The following AK8 variants were observed in gnomAD, a reference collection of about 807,000 sequenced individuals.
The protein encoded by AK8 is adenylate kinase 8.
In AK8, 44 loss-of-function variants were observed where a neutral mutation model predicts 54.6. The observed-to-expected ratio is 0.81, with a 90% CI of 0.63 to 1.04. AK8 has a LOEUF of 1.04. AK8 is among the 50% of genes least tolerant of loss of function. The pLI is 0.00. For synonymous variants in AK8, 239 were observed against 245.6 expected (o/e 0.97, Z 0.25); for missense variants, 555 against 613.6 (o/e 0.90, Z 1.01).
chr9:132,757,259 G>A (rs1286759497), intron 11 of AK8, among the ~76,000 whole-genome samples: 2 of 152,196 alleles, frequency 1.3e-5, no homozygotes, highest in South Asian at 2.1e-4. Flanking sequence ...AGAGGGTTCC[G>A]GAGCAGGACA....
At chr9:132,732,701 G>A (rs1836903628) in intron 11 of AK8, among the ~76,000 whole-genome samples, 4 of 152,118 alleles carry the variant, frequency 2.6e-5, no homozygotes, top group Admixed American at 2.6e-4. Flanking sequence ...CGCCACGAGA[G>A]CAGAAAGATG....
intron 2 of AK8, among the ~76,000 whole-genome samples, chr9:132,870,927 T>G (rs923803111): frequency 3.9e-5 from 6 of 152,222 alleles, no homozygotes; most frequent in Non-Finnish European, 5.9e-5. Flanking sequence ...CTTAGCTGAT[T>G]CGAGGCTTCT....
chr9:132,849,086 T>C (rs1823744697), intron 5 of AK8, among the ~76,000 whole-genome samples: 1 of 152,004 alleles, frequency 6.6e-6, no homozygotes, highest in South Asian at 2.1e-4. Context: ...TTTTTTGTAT[T>C]TTTAGTAGAG....
intron 11 of AK8, among the ~76,000 whole-genome samples, chr9:132,762,121 T>C (rs138292641): frequency 0.013 from 1,920 of 152,250 alleles, 48 homozygotes; most frequent in African/African-American, 0.044. Flanking sequence ...CTGCCCACCT[T>C]GGCCTCCCAA....
At position 132,795,344 on chromosome 9, in the gene AK8, C is replaced by T. The variant is rs113936929; in HGVS notation, c.980-2569G>A. 9.2e-3 allele frequency among the ~76,000 whole-genome samples: 1,402 copies of T among 152,194 alleles called. 9 individuals carry two copies. Among genetic ancestry groups the T allele is most frequent in the Non-Finnish European group, 0.015 (1,012 of 68,000 alleles). Reference sequence around the variant, plus strand: ...TCCTGCTATAGACCCCCTGTACACTCGGGGTGCACTTGGCTCTTTCCACAT... The same window carrying T: ...TCCTGCTATAGACCCCCTGTACACTTGGGGTGCACTTGGCTCTTTCCACAT... On this transcript the variant is annotated intron_variant, in intron 10 of 12. Coordinates refer to ENST00000298545, the MANE Select transcript of AK8 (RefSeq NM_152572.3).
intron 2 of AK8, among the ~76,000 whole-genome samples, chr9:132,872,569 G>A (rs549980138): frequency 5.9e-5 from 9 of 152,066 alleles, no homozygotes; most frequent in South Asian, 2.1e-4. Flanking sequence ...GGCCTCAAGC[G>A]ATCCTCCTGT....
At chr9:132,810,100 T>C (rs936593041) in intron 10 of AK8, among the ~76,000 whole-genome samples, 1 of 152,258 alleles carries the variant, frequency 6.6e-6, no homozygotes, top group East Asian at 1.9e-4. Context: ...TTAGTGGTTA[T>C]GAATGTAAAT....
In AK8 at chr9:132,799,636, A is replaced by T. The variant is rs1588143759; in HGVS notation, c.980-6861T>A. On this transcript the variant is annotated intron_variant, in intron 10 of 12. Transcript: ENST00000298545. This position sits in a 1 kb window ranked among gnomAD's most constrained non-coding sequence, Gnocchi z 5.0. ...ACACCACACACCCCCACACCCCTAC[A>T]CCCCACCACGTGCACAACACATACT... Among the ~76,000 whole-genome samples the T allele has an allele frequency of 6.6e-6, 1 of 151,120 alleles. No individual in the cohort carries two copies. The highest frequency in any genetic ancestry group is 2.4e-5 in the African/African-American group (1 of 41,060).
chr9:132,818,257 C>T (rs978549205), intron 9 of AK8, among the ~76,000 whole-genome samples: 1 of 152,104 alleles, frequency 6.6e-6, no homozygotes, highest in African/African-American at 2.4e-5. Context: ...CAGATGGAAA[C>T]CTGGATCTAA....
chr9:132,753,611 G>A (rs1838051298), intron 11 of AK8, among the ~76,000 whole-genome samples: 1 of 152,234 alleles, frequency 6.6e-6, no homozygotes, highest in Admixed American at 6.5e-5. Flanking sequence ...CAGGCTGGTG[G>A]CTTTAAGCCA....
chr9:132,871,036 A>G (rs1443502467), intron 2 of AK8, among the ~76,000 whole-genome samples: 1 of 152,176 alleles, frequency 6.6e-6, no homozygotes, highest in Admixed American at 6.5e-5. Context: ...ATCTGAGGTC[A>G]GGTGTTTGAG....
At chr9:132,859,849 G>C (rs1843316770) in intron 4 of AK8, among the ~76,000 whole-genome samples, 1 of 152,180 alleles carries the variant, frequency 6.6e-6, no homozygotes. Context: ...GGGTTCCAGG[G>C]GCAGCGTTTC....
At chr9:132,783,949 G>C (rs187881871) in intron 11 of AK8, among the ~76,000 whole-genome samples, 40 of 152,312 alleles carry the variant, frequency 2.6e-4, no homozygotes, top group Middle Eastern at 3.4e-3. Flanking sequence ...ATTATGAAAA[G>C]CTGATGATAA....
intron 11 of AK8, among the ~76,000 whole-genome samples, chr9:132,773,168 T>C (rs1299843629): frequency 6.6e-6 from 1 of 152,238 alleles, no homozygotes; most frequent in East Asian, 1.9e-4. Flanking sequence ...TCCTTGATGT[T>C]GCTCAGAGTT....
chr9:132,855,938 G>A (rs761718935), intron 4 of AK8, among the ~76,000 whole-genome samples: 22 of 152,098 alleles, frequency 1.4e-4, no homozygotes, highest in Non-Finnish European at 2.9e-4. Context: ...AAGCCAATCC[G>A]CATACCCCAC....
intron 10 of AK8, among the ~76,000 whole-genome samples, chr9:132,793,796 A>G (rs1381458878): frequency 5.3e-5 from 8 of 152,154 alleles, no homozygotes; most frequent in Non-Finnish European, 8.8e-5. Context: ...TTTTTCCAGA[A>G]ATACTTGGTA....
chr9:132,812,454 G>A (rs1588158309), intron 10 of AK8, among the ~76,000 whole-genome samples: 1 of 55,488 alleles, frequency 1.8e-5, no homozygotes, highest in Admixed American at 1.9e-4. Context: ...GGCCAGGCTG[G>A]TCTCGAATTC....
intron 2 of AK8, among the ~76,000 whole-genome samples, chr9:132,872,059 GCA>G (rs1450038620): frequency 6.6e-6 from 1 of 152,220 alleles, no homozygotes; most frequent in African/African-American, 2.4e-5. Flanking sequence ...AGAGGGCCAG[GCA>G]CAGTGGTCCA....
intron 9 of AK8, among the ~76,000 whole-genome samples, chr9:132,820,212 T>TAAA (rs36016329): frequency 2.2e-5 from 3 of 136,446 alleles, no homozygotes; most frequent in African/African-American, 8.1e-5. Context: ...ATGCTCACTG[T>TAAA]AAAAAAAAAA....
Sources: gnomAD v4.1 joint callset for allele counts (sites outside exome capture counted in the v4.1 genomes callset) on GRCh38, gnomAD v4.1.1 for gene constraint, Gnocchi (gnomAD v3.1) non-coding constraint, MANE v1.5 for transcripts, NCBI Gene and HGNC (gene_info 2026-07-23, HGNC 2026-07-21) for gene names.